The following ANKRD35 variants were observed in gnomAD, a reference collection of about 807,000 sequenced individuals.
ANKRD35 encodes ankyrin repeat domain-containing protein 35.
ANKRD35 carries 102 observed loss-of-function variants against 109.9 expected under a neutral mutation model. That is an observed-to-expected ratio of 0.93 (90% CI 0.79 to 1.09). The LOEUF (loss-of-function observed/expected upper bound fraction) is 1.09, where lower values mean the gene tolerates loss of function less well. ANKRD35 is among the 50% of genes least tolerant of loss of function. The pLI, the probability that ANKRD35 is intolerant of heterozygous loss-of-function variation, is 0.00. For missense variants in ANKRD35, 1,240 were observed against 1,230.1 expected (o/e 1.01, Z -0.12); for synonymous variants, 515 against 512.4 (o/e 1.01, Z -0.07).
In ANKRD35 at chr1:145,872,740, T is replaced by C. The variant is rs1653887209; in HGVS notation, c.2029A>G (p.Thr677Ala). The C allele has an allele frequency of 6.2e-7, 1 of 1,613,964 alleles. No individual in the cohort carries two copies. Among genetic ancestry groups the C allele is most frequent in the Non-Finnish European group, 8.5e-7 (1 of 1,179,982 alleles). Residue 677 changes from threonine (T) to alanine (A), a missense_variant, in exon 10 of 14, where the codon ACA becomes GCA. By Grantham distance (58) the Thr-to-Ala change is moderately conservative. Coordinates refer to ENST00000355594, the MANE Select transcript of ANKRD35 (RefSeq NM_144698.5). ...QQLRQSVGLL[T>A]NELAMEKEAT... ...TCCTTCTCCATGGCCAGTTCATTTG[T>C]CAGCAGCCCCACACTCTGTCGCAAC...
Position 145,867,269 on chromosome 1 carries a change from C to A in ANKRD35, c.*43+18G>T. 6.5e-7 allele frequency: 1 copy of A among 1,537,862 alleles called. No homozygotes were observed. Among genetic ancestry groups the A allele is most frequent in the African/African-American group, 1.4e-5 (1 of 73,380 alleles). ...TCTCCCAAACTCCTTCCCTCATCAC[C>A]CTTAACCCACAACTCACAACAGAGA... is the stretch of plus-strand genomic sequence containing the variant. On this transcript the variant is annotated intron_variant, in intron 13 of 13. Coordinates refer to ENST00000355594, the MANE Select transcript of ANKRD35 (RefSeq NM_144698.5).
intron 1 of ANKRD35, among the ~76,000 whole-genome samples, chr1:145,883,910 C>T (rs1455612578): frequency 6.6e-6 from 1 of 152,236 alleles, no homozygotes; most frequent in African/African-American, 2.4e-5. Context: ...ACCCATCCAA[C>T]TTACTTCCCA....
chr1:145,878,413 G>T lies in ANKRD35; in HGVS notation c.237C>A (p.Asp79Glu). 6.4e-7 allele frequency: 1 copy of T among 1,569,250 alleles called. No individual in the cohort carries two copies. Among genetic ancestry groups the T allele is most frequent in the Admixed American group, 1.9e-5 (1 of 53,544 alleles). Residue 79 changes from aspartate (D) to glutamate (E), a missense_variant, in exon 3 of 14, where the codon GAC (aspartate) becomes GAA (glutamate). Asp to Glu is a conservative substitution (Grantham distance 45). Coordinates refer to ENST00000355594, the MANE Select transcript of ANKRD35 (RefSeq NM_144698.5). ...CACCATCCTCATTCTTGCTGTTGATGTCAGCCCCATTTGCAAGCAGGATAG... is the reference window on the plus strand; with the variant it reads ...CACCATCCTCATTCTTGCTGTTGATTTCAGCCCCATTTGCAAGCAGGATAG... The part of the protein sequence containing the change: ...CLTILLANGA[D>E]INSKNEDGST...
At position 145,878,469 on chromosome 1, in the gene ANKRD35, C is replaced by T. The variant is rs1553740554; in HGVS notation, c.181G>A (p.Ala61Thr). Reference protein sequence around the residue: ...DSNGQSPFHLAASKGLTECLT... With the variant: ...DSNGQSPFHLTASKGLTECLT... ...CATTCTGTCAGGCCTTTGGAGGCTG[C>T]CAGATGAAACCTGCCAGAATCAAGG... The change falls in exon 3 of 14, where the codon GCA becomes ACA. Residue 61 changes from alanine (A) to threonine (T), a missense_variant. Coordinates refer to ENST00000355594, the MANE Select transcript of ANKRD35 (RefSeq NM_144698.5). The T allele has an allele frequency of 6.4e-7, 1 of 1,566,838 alleles. No homozygotes were observed. The highest frequency in any genetic ancestry group is 1.2e-5 in the South Asian group (1 of 85,130).
At chr1:145,871,737 G>A (rs587719013) in intron 10 of ANKRD35, among the ~76,000 whole-genome samples, 187 of 152,098 alleles carry the variant, frequency 1.2e-3, no homozygotes, top group African/African-American at 4.4e-3. Flanking sequence ...TCTGAATCTG[G>A]GTGCCAAATT....
At chr1:145,880,310 A>G (rs1654241618) in intron 1 of ANKRD35, among the ~76,000 whole-genome samples, 1 of 152,224 alleles carries the variant, frequency 6.6e-6, no homozygotes, top group Admixed American at 6.5e-5. Context: ...AGAGAAGGGA[A>G]TGAAAAGGAA....
intron 10 of ANKRD35, 60 bp downstream of exon 10, chr1:145,871,922 A>C: frequency 6.3e-7 from 1 of 1,585,894 alleles, no homozygotes; most frequent in Non-Finnish European, 8.5e-7. Flanking sequence ...TCAGGTTAGT[A>C]AACTCCCAAA....
chr1:145,874,066 C>G, intron 9 of ANKRD35, 81 bp from the exon 10 acceptor site: 2 of 1,611,334 alleles, frequency 1.2e-6, no homozygotes, highest in Non-Finnish European at 1.7e-6. Context: ...TCTTAAATGT[C>G]TTGACACCCC....
intron 1 of ANKRD35, among the ~76,000 whole-genome samples, chr1:145,881,111 C>T (rs1654269332): frequency 6.6e-6 from 1 of 152,178 alleles, no homozygotes; most frequent in Non-Finnish European, 1.5e-5. Flanking sequence ...CATGGTGAAA[C>T]CCCGTCTCTA....
chr1:145,876,927 C>G (rs587621143), intron 4 of ANKRD35, 54 bp from the exon 5 acceptor site: 1 of 1,588,142 alleles, frequency 6.3e-7, no homozygotes, highest in Admixed American at 1.7e-5. Flanking sequence ...ACATCCTCAT[C>G]CCATACCCCC....
chr1:145,878,209 G>C (rs1167108565), intron 3 of ANKRD35, among the ~76,000 whole-genome samples, 177 bp from the exon 4 acceptor site: 1 of 152,178 alleles, frequency 6.6e-6, no homozygotes, highest in Non-Finnish European at 1.5e-5. Context: ...GAAGGTGGGA[G>C]TGGGGGTGAG....
In ANKRD35 at chr1:145,867,255, C is replaced by T. The variant is rs191636589; in HGVS notation, c.*43+32G>A. ...TTTCCCAAGCCCTTTCTCCCAAACT[C>T]CTTCCCTCATCACCCTTAACCCACA... is the stretch of plus-strand genomic sequence containing the variant. On this transcript the variant is annotated intron_variant, in intron 13 of 13. Transcript: ENST00000355594. 2.3e-3 allele frequency: 3,323 copies of T among 1,456,802 alleles called. 6 individuals carry two copies. Among genetic ancestry groups the T allele is most frequent in the Non-Finnish European group, 2.7e-3 (2,823 of 1,038,978 alleles). 90.2% of individuals were successfully genotyped at this position (1,456,802 alleles called of 1,614,324 possible). A position where few individuals can be genotyped will look rare whatever the true frequency, so the allele number is the denominator to read the frequency against.
chr1:145,872,912 T>C lies in ANKRD35; in HGVS notation c.1857A>G (p.Val619=). The C allele has an allele frequency of 6.2e-7, 1 of 1,613,686 alleles. No homozygotes were observed. Among genetic ancestry groups the C allele is most frequent in the African/African-American group, 1.3e-5 (1 of 75,058 alleles). Residue 619 remains valine, a synonymous_variant, in exon 10 of 14, where the codon GTA becomes GTG. Coordinates refer to ENST00000355594, the MANE Select transcript of ANKRD35 (RefSeq NM_144698.5). ...AKGQLEKEMS[V]LRLSNSNLLE... ...GCAAGTTACTGTTGCTCAGTCTCAG[T>C]ACTGACATCTCCTTCTCCAGCTGTC...
chr1:145,876,328 ACCTGTCC>A, intron 6 of ANKRD35, 82 bp from the exon 7 acceptor site: 1 of 1,359,282 alleles, frequency 7.4e-7, no homozygotes, highest in Admixed American at 2.0e-5. Context: ...CTCCCCTCAC[ACCTGTCC>A]AAAAAAAATA....
rs1553739497 is a variant in ANKRD35 at position 145,873,816 on chromosome 1, T to C, written c.953A>G (p.Gln318Arg). The C allele has an allele frequency of 6.2e-7, 1 of 1,609,478 alleles. No homozygotes were observed. The highest frequency in any genetic ancestry group is 1.1e-5 in the South Asian group (1 of 90,534). The change falls in exon 10 of 14, where the codon CAA becomes CGA. Residue 318 changes from glutamine to arginine, a missense_variant. By Grantham distance (43) the Gln-to-Arg change is conservative. Coordinates refer to ENST00000355594, the MANE Select transcript of ANKRD35 (RefSeq NM_144698.5). ...TTGAGTCTTACACTCTTCTGTCTTT[T>C]GCACCAGCTCCTGCTCCAGCCGAAC... ...KVVRLEQELV[Q>R]KTEECKTQAA...
At position 145,878,445 on chromosome 1, in the gene ANKRD35, AT is replaced by A; in HGVS notation, c.204del (p.Glu68AspfsTer3). The A allele has an allele frequency of 6.4e-7, 1 of 1,572,926 alleles. No homozygotes were observed. The highest frequency in any genetic ancestry group is 8.6e-7 in the Non-Finnish European group (1 of 1,157,988). ...FHLAASKGLT[E>X]CLTILLANGA... Reference sequence around the variant, plus strand: ...CCATTTGCAAGCAGGATAGTCAGACATTCTGTCAGGCCTTTGGAGGCTGCCA... The same window carrying A: ...CCATTTGCAAGCAGGATAGTCAGACATCTGTCAGGCCTTTGGAGGCTGCCA... On this transcript the variant is annotated frameshift_variant, in exon 3 of 14. Coordinates refer to ENST00000355594, the MANE Select transcript of ANKRD35 (RefSeq NM_144698.5). LOFTEE classifies it high-confidence loss of function.
At chr1:145,880,400 A>G (rs1472269968) in intron 1 of ANKRD35, among the ~76,000 whole-genome samples, 2 of 152,224 alleles carry the variant, frequency 1.3e-5, no homozygotes, top group African/African-American at 4.8e-5. Context: ...TTTGGGACCT[A>G]GTTCAGCTAC....
rs781961496 is a variant in ANKRD35 at position 145,882,462 on chromosome 1, A to ATTTTTTTTTTTTTT, written c.40-3075_40-3074insAAAAAAAAAAAAAA. Among the ~76,000 whole-genome samples, 37 of 140,274 alleles carry ATTTTTTTTTTTTTT rather than the reference A, an allele frequency of 2.6e-4. 1 individual carries two copies. Among genetic ancestry groups the ATTTTTTTTTTTTTT allele is most frequent in the African/African-American group, 9.5e-4 (35 of 36,946 alleles). The allele number at this position is 140,274 out of a possible 152,430, so 92.0% of individuals were successfully genotyped here. A position where few individuals can be genotyped will look rare whatever the true frequency, so the allele number is the denominator to read the frequency against. On this transcript the variant is annotated intron_variant, in intron 1 of 13. Transcript: ENST00000355594. ...AGGCATGCTCTACCACACCCAGGTA[A>ATTTTTTTTTTTTTT]TTTTTTTTTTTAGAGATGAGGTATC...
rs782184394 is a variant in ANKRD35, at chr1:145,868,335, A to T, written c.2853T>A (p.Asn951Lys). Residue 951 changes from asparagine (N) to lysine (K), a missense_variant, in exon 11 of 14, where the codon AAT (asparagine) becomes AAA (lysine). Coordinates refer to ENST00000355594, the MANE Select transcript of ANKRD35 (RefSeq NM_144698.5). The part of the protein sequence containing the change: ...SEEVLAIRGE[N>K]ARLALQLQDS... ...CCTGCAGCTGCAGGGCAAGGCGAGCATTTTCTCCCCGAATTGCTAGAACCT... is the reference window on the plus strand; with the variant it reads ...CCTGCAGCTGCAGGGCAAGGCGAGCTTTTTCTCCCCGAATTGCTAGAACCT... 1.9e-6 allele frequency: 3 copies of T among 1,614,086 alleles called. No individual in the cohort carries two copies. The South Asian group carries it at 3.3e-5, about 18-fold the overall frequency.
Sources: gnomAD v4.1 joint callset for allele counts (sites outside exome capture counted in the v4.1 genomes callset) on GRCh38, gnomAD v4.1.1 for gene constraint, MANE v1.5 for transcripts, NCBI Gene and HGNC (gene_info 2026-07-23, HGNC 2026-07-21) for gene names.